Variants in LRRC7 observed in about 807,000 individuals in gnomAD.
LRRC7 encodes the protein leucine-rich repeat-containing protein 7.
LRRC7 carries 23 observed loss-of-function variants against 175.7 expected under a neutral mutation model. That is an observed-to-expected ratio of 0.13 (90% CI 0.09 to 0.19). The LOEUF (loss-of-function observed/expected upper bound fraction) is 0.19, where lower values mean the gene tolerates loss of function less well. LRRC7 is among the 10% of genes least tolerant of loss of function. LRRC7 has a pLI of 1.00. For synonymous variants in LRRC7, 685 were observed against 680.9 expected (o/e 1.01, Z -0.09); for missense variants, 1,354 against 1,904.7 (o/e 0.71, Z 5.38).
chr1:69,836,850 T>C (rs1681168565), intron 6 of LRRC7, among the ~76,000 whole-genome samples: 1 of 149,528 alleles, frequency 6.7e-6, no homozygotes, highest in African/African-American at 2.5e-5. Flanking sequence ...ATTATAAGAT[T>C]AAAATTAAAT....
At chr1:69,636,839 A>G (rs1490176907) in intron 1 of LRRC7, among the ~76,000 whole-genome samples, 1 of 152,036 alleles carries the variant, frequency 6.6e-6, no homozygotes, top group Non-Finnish European at 1.5e-5. Flanking sequence ...TAAACCAACC[A>G]TGCAGTCTGG....
chr1:69,793,269 T>C (rs1412873325), intron 4 of LRRC7, among the ~76,000 whole-genome samples: 1 of 152,104 alleles, frequency 6.6e-6, no homozygotes, highest in Non-Finnish European at 1.5e-5. Context: ...ATCCAATCTT[T>C]GTAGTTAGGG....
At chr1:69,787,435 C>A (rs903063328) in intron 3 of LRRC7, among the ~76,000 whole-genome samples, 1 of 152,240 alleles carries the variant, frequency 6.6e-6, no homozygotes, top group African/African-American at 2.4e-5. Context: ...GCACTGCCCT[C>A]GCAGAGATTC....
intron 2 of LRRC7, among the ~76,000 whole-genome samples, chr1:69,695,730 G>A (rs116336011): frequency 0.019 from 2,882 of 152,278 alleles, 90 homozygotes; most frequent in African/African-American, 0.063. Flanking sequence ...CATGCCAGCC[G>A]CTCTGGCTTC....
chr1:69,821,818 C>T (rs1036601327), intron 4 of LRRC7, among the ~76,000 whole-genome samples: 1 of 151,928 alleles, frequency 6.6e-6, no homozygotes, highest in East Asian at 1.9e-4. Context: ...TCACTTGAAC[C>T]TGGGAGGTGG....
At position 70,107,761 on chromosome 1, in the gene LRRC7, G is replaced by A. The variant is rs1434292892; in HGVS notation, c.4555G>A (p.Val1519Ile). 1.9e-6 allele frequency: 3 copies of A among 1,612,778 alleles called. No individual in the cohort carries two copies. In the African/African-American group the frequency reaches 4.0e-5, roughly 22 times the overall value. ...TACTTCTGACTTATAGGGTATCTTT[G>A]TTACTAGGGTTCAGCCTGATGGGCC... Reference protein sequence around the residue: ...PFKPSDKGIFVTRVQPDGPAS... With the variant: ...PFKPSDKGIFITRVQPDGPAS... The change falls in exon 26 of 27, where the codon GTT becomes ATT. Residue 1519 changes from valine to isoleucine, a missense_variant. Physicochemically the swap from Val to Ile is conservative, Grantham distance 29 (BLOSUM62 3). Transcript: ENST00000651989.
At chr1:69,592,845 G>T (rs1371619621) in intron 1 of LRRC7, among the ~76,000 whole-genome samples, 1 of 151,982 alleles carries the variant, frequency 6.6e-6, no homozygotes, top group African/African-American at 2.4e-5. Context: ...AGTGGTTGGG[G>T]AAGATGAGTA....
intron 4 of LRRC7, among the ~76,000 whole-genome samples, chr1:69,803,736 A>C (rs1676791335): frequency 6.6e-6 from 1 of 151,250 alleles, no homozygotes; most frequent in African/African-American, 2.4e-5. Flanking sequence ...TCCGTTTTTC[A>C]TAAATTACAA....
chr1:69,764,606 A>G (rs1166977999), intron 3 of LRRC7, among the ~76,000 whole-genome samples: 1 of 152,034 alleles, frequency 6.6e-6, no homozygotes, highest in Non-Finnish European at 1.5e-5. Context: ...ATATCCTAGC[A>G]TTGGTATTTG....
At chr1:69,928,243 C>T (rs1434145328) in intron 7 of LRRC7, among the ~76,000 whole-genome samples, 2 of 152,144 alleles carry the variant, frequency 1.3e-5, no homozygotes, top group African/African-American at 4.8e-5. Context: ...TTAGGCTGCT[C>T]GGGGGTCAGG....
At chr1:69,645,830 A>G (rs1451814915) in intron 1 of LRRC7, among the ~76,000 whole-genome samples, 2 of 152,094 alleles carry the variant, frequency 1.3e-5, no homozygotes, top group Non-Finnish European at 2.9e-5. Context: ...AAATGTTCCA[A>G]TTGTTTTGGT....
chr1:70,018,663 T>TA, intron 14 of LRRC7, 56 bp from the exon 15 acceptor site: 1 of 1,230,224 alleles, frequency 8.1e-7, no homozygotes, highest in Non-Finnish European at 1.2e-6. Context: ...ACCAGACTAT[T>TA]GACTGTTATA....
chr1:70,008,760 A>G (rs1365512982), intron 11 of LRRC7, among the ~76,000 whole-genome samples: 2 of 152,186 alleles, frequency 1.3e-5, no homozygotes, highest in Non-Finnish European at 2.9e-5. Context: ...TTTGGTCTAT[A>G]GTATCTGTCT....
In LRRC7 at chr1:70,038,582, A is replaced by T. The variant is rs745977690; in HGVS notation, c.2758A>T (p.Thr920Ser). The change falls in exon 21 of 27, where the codon ACT becomes TCT. Residue 920 changes from threonine to serine, a missense_variant. Physicochemically the swap from Thr to Ser is moderately conservative, Grantham distance 58. Coordinates refer to ENST00000651989, the MANE Select transcript of LRRC7 (RefSeq NM_001370785.2). ...PERKEHIKES[T>S]EIPSPFSPGV... ...AAGGAAAGAACATATAAAGGAATCT[A>T]CTGAAATACCTAGTCCTTTTTCTCC... The T allele has an allele frequency of 1.5e-5, 25 of 1,614,034 alleles. No homozygotes were observed. The African/African-American group carries it at 2.1e-4, about 14-fold the overall frequency.
intron 8 of LRRC7, among the ~76,000 whole-genome samples, chr1:69,979,540 C>T (rs1653197245): frequency 6.6e-6 from 1 of 152,020 alleles, no homozygotes; most frequent in South Asian, 2.1e-4. Context: ...TATATGCTGC[C>T]TTGGTTTTAG....
chr1:69,650,032 A>G (rs545500900), intron 1 of LRRC7, among the ~76,000 whole-genome samples: 18 of 152,238 alleles, frequency 1.2e-4, no homozygotes, highest in African/African-American at 4.3e-4. Context: ...ATGTTTTCCA[A>G]AACAAATATT....
chr1:70,130,369 C>G lies in LRRC7; in HGVS notation c.*8482C>G, dbSNP rs570279457. ...GTGTAATTATTAAGTGGATGACAGG[C>G]CTGGCACATAGTGCACTTTATAAAT... On this transcript the variant is annotated 3_prime_UTR_variant, in exon 27 of 27. Transcript: ENST00000651989. 5 of 152,242 alleles carry G rather than the reference C, an allele frequency of 3.3e-5. No individual in the cohort carries two copies. The East Asian group carries it at 9.6e-4, about 29-fold the overall frequency. The allele number at this position is 152,242 out of a possible 1,614,324, so 9.4% of individuals were successfully genotyped here.
intron 2 of LRRC7, among the ~76,000 whole-genome samples, chr1:69,729,248 G>A (rs568192475): frequency 5.3e-5 from 8 of 152,110 alleles, no homozygotes; most frequent in Admixed American, 2.0e-4. Flanking sequence ...TCCAAATCTC[G>A]TGTCCTCACA....
chr1:69,703,529 C>A (rs1663641551), intron 2 of LRRC7, among the ~76,000 whole-genome samples: 1 of 151,920 alleles, frequency 6.6e-6, no homozygotes, highest in Non-Finnish European at 1.5e-5. Context: ...TTATACTGTA[C>A]TAGCTGGCTA....
Sources: gnomAD v4.1 joint callset for allele counts (sites outside exome capture counted in the v4.1 genomes callset) on GRCh38, gnomAD v4.1.1 for gene constraint, MANE v1.5 for transcripts, NCBI Gene and HGNC (gene_info 2026-07-23, HGNC 2026-07-21) for gene names.